ZNF391: variants seen among roughly 807,000 people sequenced by gnomAD.
The protein encoded by ZNF391 is zinc finger protein 391.
For synonymous variants in ZNF391, 126 were observed against 142.1 expected (o/e 0.89, Z 0.80); for missense variants, 375 against 425.5 (o/e 0.88, Z 1.04).
intron 1 of ZNF391, among the ~76,000 whole-genome samples, chr6:27,381,004 T>A (rs1180232724): frequency 6.6e-6 from 1 of 152,272 alleles, no homozygotes; most frequent in Non-Finnish European, 1.5e-5. Context: ...GCTGGCTTCA[T>A]CCAGTGGATC....
intron 1 of ZNF391, among the ~76,000 whole-genome samples, chr6:27,392,812 AG>A (rs2113652163): frequency 6.6e-6 from 1 of 152,378 alleles, no homozygotes; most frequent in Non-Finnish European, 1.5e-5. Flanking sequence ...GTTTGAATCT[AG>A]GATTTATTAC....
intron 1 of ZNF391, among the ~76,000 whole-genome samples, chr6:27,394,300 C>CTG (rs1299642875): frequency 6.6e-6 from 1 of 152,238 alleles, no homozygotes; most frequent in African/African-American, 2.4e-5. Context: ...CACTGCCCTG[C>CTG]ACCACTCCAG....
intron 1 of ZNF391, among the ~76,000 whole-genome samples, chr6:27,381,116 G>C (rs6456776): frequency 0.71 from 108,568 of 152,182 alleles, 38,920 homozygotes; most frequent in Middle Eastern, 0.8. Flanking sequence ...GTGGAGCAGG[G>C]GGCGGCGCTC....
Position 27,400,961 on chromosome 6 carries a change from A to G in ZNF391, c.591A>G (p.Glu197=), listed in dbSNP as rs1490480832. 57 of 1,614,106 alleles carry G rather than the reference A, an allele frequency of 3.5e-5. No individual in the cohort carries two copies. The highest frequency in any genetic ancestry group is 4.7e-5 in the Non-Finnish European group (55 of 1,180,034). The change falls in exon 3 of 3, where the codon GAA becomes GAG. Residue 197 remains glutamate (E), a synonymous_variant. Transcript: ENST00000244576. ...HTGEKPYECS[E]CGKAFSRSTN... ...GAGAAAAACCATATGAATGTAGTGA[A>G]TGTGGAAAAGCCTTTAGCCGAAGCA...
rs1310086697 is a variant in ZNF391 at position 27,388,916 on chromosome 6, G to A, written c.-347G>A. The A allele has an allele frequency of 2.2e-6, 1 of 456,318 alleles. No individual in the cohort carries two copies. Among genetic ancestry groups the A allele is most frequent in the African/African-American group, 2.0e-5 (1 of 50,070 alleles). 28.3% of individuals were successfully genotyped at this position (456,318 alleles called of 1,614,324 possible). On this transcript the variant is annotated 5_prime_UTR_variant, in exon 1 of 3. An upstream open reading frame in the 5' UTR gains an earlier in-frame stop. Transcript: ENST00000244576. ...ATCTTAGGGAACCTGATGGGCGTTG[G>A]AGCAGCGGTTCGACGCATGGGTTTC...
At position 27,402,485 on chromosome 6, in the gene ZNF391, A is replaced by G. The variant is rs1200251294; in HGVS notation, c.*1038A>G. 3 of 152,168 alleles carry G rather than the reference A, an allele frequency of 2.0e-5. No individual in the cohort carries two copies. Among genetic ancestry groups the G allele is most frequent in the African/African-American group, 4.8e-5 (2 of 41,442 alleles). The allele number at this position is 152,168 out of a possible 1,614,324, so 9.4% of individuals were successfully genotyped here. On this transcript the variant is annotated 3_prime_UTR_variant, in exon 3 of 3. Transcript: ENST00000244576. ...CCTCTCAGCATTTCTTTGATTGTCA[A>G]TGATCAGCTCTGTGATTTGGGGCAA...
chr6:27,391,544 CTTGGACTATGACCTTTGCCCA>C, intron 1 of ZNF391, among the ~76,000 whole-genome samples: 1 of 73,666 alleles, frequency 1.4e-5, no homozygotes, highest in East Asian at 3.0e-4. Context: ...TTCTGGATGC[CTTGGACTATGACCTTTGCCCA>C]TTTCTGCCTT....
At position 27,398,506 on chromosome 6, in the gene ZNF391, G is replaced by A. The variant is rs138697876; in HGVS notation, c.-187-936G>A. On this transcript the variant is annotated intron_variant, in intron 1 of 2. Transcript: ENST00000244576. ...ATACAAGTGAAAAACAACATTGTCA[G>A]TGTGGACATAAACACACTACTTGGT... 4.3e-4 allele frequency among the ~76,000 whole-genome samples: 65 copies of A among 152,308 alleles called. 1 individual carries two copies. Among genetic ancestry groups the A allele is most frequent in the African/African-American group, 1.5e-3 (64 of 41,568 alleles).
rs1162048234 is a variant in ZNF391 at position 27,400,660 on chromosome 6, T to G, written c.290T>G (p.Ile97Ser). The change falls in exon 3 of 3, where the codon ATT becomes AGT. Residue 97 changes from isoleucine (I) to serine (S), a missense_variant. Coordinates refer to ENST00000244576, the MANE Select transcript of ZNF391 (RefSeq NM_001076781.3). ...RKNSKDNSDL[I>S]KHQRLFSQRK... Reference sequence around the variant, plus strand: ...AACTCCAAAGATAATTCAGACTTAATTAAACACCAAAGACTTTTCTCACAA... The same window carrying G: ...AACTCCAAAGATAATTCAGACTTAAGTAAACACCAAAGACTTTTCTCACAA... 1 of 1,613,990 alleles carries G rather than the reference T, an allele frequency of 6.2e-7. No homozygotes were observed. Among genetic ancestry groups the G allele is most frequent in the African/African-American group, 1.3e-5 (1 of 74,924 alleles).
At chr6:27,382,190 G>A (rs1263250926) in intron 1 of ZNF391, among the ~76,000 whole-genome samples, 4 of 152,010 alleles carry the variant, frequency 2.6e-5, no homozygotes, top group Non-Finnish European at 5.9e-5. Context: ...AAAATCAGCC[G>A]GGTGTAGTGA....
upstream of ZNF391, among the ~76,000 whole-genome samples, chr6:27,387,256 G>GATGTAAATGTA (rs1190536244): frequency 6.6e-6 from 1 of 152,212 alleles, no homozygotes; most frequent in African/African-American, 2.4e-5. Context: ...CTGCTGATGG[G>GATGTAAATGTA]AATGTAAAAC....
At position 27,402,531 on chromosome 6, in the gene ZNF391, C is replaced by T. The variant is rs1169446896; in HGVS notation, c.*1084C>T. 1 of 152,150 alleles carries T rather than the reference C, an allele frequency of 6.6e-6. No homozygotes were observed. Among genetic ancestry groups the T allele is most frequent in the Non-Finnish European group, 1.5e-5 (1 of 68,036 alleles). The allele number at this position is 152,150 out of a possible 1,614,324, so 9.4% of individuals were successfully genotyped here. On this transcript the variant is annotated 3_prime_UTR_variant, in exon 3 of 3. Coordinates refer to ENST00000244576, the MANE Select transcript of ZNF391 (RefSeq NM_001076781.3). Reference sequence around the variant, plus strand: ...GGCAAGGGTTAGGCCAGAATTATCTCATTTTATCAAGTTATAAAACTTGAG... The same window carrying T: ...GGCAAGGGTTAGGCCAGAATTATCTTATTTTATCAAGTTATAAAACTTGAG...
chr6:27,391,592 C>A (rs937844893), intron 1 of ZNF391, among the ~76,000 whole-genome samples: 1 of 152,116 alleles, frequency 6.6e-6, no homozygotes, highest in East Asian at 1.9e-4. Flanking sequence ...AAAATAAAAC[C>A]AAGAGGAGGC....
chr6:27,387,907 A>T (rs1343050767), upstream of ZNF391, among the ~76,000 whole-genome samples: 3 of 152,240 alleles, frequency 2.0e-5, no homozygotes, highest in Non-Finnish European at 2.9e-5. Context: ...TTTAATTTTT[A>T]AAAATAGGAA....
chr6:27,392,295 G>T (rs151119452), intron 1 of ZNF391, among the ~76,000 whole-genome samples: 10 of 152,030 alleles, frequency 6.6e-5, no homozygotes, highest in Admixed American at 5.2e-4. Context: ...TTGCTCTGTC[G>T]CCCAGGCCAG....
intron 1 of ZNF391, among the ~76,000 whole-genome samples, chr6:27,394,605 G>C (rs1371493173): frequency 2.6e-5 from 4 of 152,260 alleles, no homozygotes; most frequent in Non-Finnish European, 5.9e-5. Flanking sequence ...TGGAGTTGGA[G>C]GCCCCACACA....
At chr6:27,382,785 G>T (rs1278598385) in intron 1 of ZNF391, among the ~76,000 whole-genome samples, 1 of 152,180 alleles carries the variant, frequency 6.6e-6, no homozygotes, top group Non-Finnish European at 1.5e-5. Flanking sequence ...CGGAAAAAAA[G>T]AATCTCTGAT....
chr6:27,380,040 C>T (rs560097495), intron 1 of ZNF391, among the ~76,000 whole-genome samples: 3 of 152,304 alleles, frequency 2.0e-5, no homozygotes, highest in African/African-American at 7.2e-5. Context: ...TTCCCCTATA[C>T]CTTGATACCA....
At chr6:27,395,280 G>A (rs1363491178) in intron 1 of ZNF391, among the ~76,000 whole-genome samples, 2 of 151,660 alleles carry the variant, frequency 1.3e-5, no homozygotes, top group Non-Finnish European at 2.9e-5. Context: ...TGATTGGATG[G>A]TGGAGGTAGA....
Sources: allele counts gnomAD v4.1 joint callset (sites outside exome capture counted in the v4.1 genomes callset), GRCh38; gene constraint gnomAD v4.1.1; transcripts MANE v1.5; gene names NCBI Gene and HGNC (gene_info 2026-07-23, HGNC 2026-07-21).